KDM1A: variants seen among roughly 807,000 people sequenced by gnomAD.
KDM1A encodes lysine demethylase 1A.
Under a neutral mutation model 109.4 loss-of-function variants are expected in KDM1A, and 49 were observed. That is an observed-to-expected ratio of 0.45 (90% confidence interval 0.36 to 0.57). KDM1A has a LOEUF of 0.57. Among genes scored for constraint, KDM1A ranks in the 20% least tolerant of loss-of-function variants. The pLI, the probability that KDM1A is intolerant of heterozygous loss-of-function variation, is 0.00. For synonymous variants in KDM1A, 380 were observed against 415.4 expected, an observed-to-expected ratio of 0.91 and a Z score of 1.04; for missense variants, 668 against 1,116.6, an observed-to-expected ratio of 0.60 and a Z score of 5.73.
At chr1:23,025,758 A>G (rs1557496157) in intron 1 of KDM1A, among the ~76,000 whole-genome samples, 1 of 152,010 alleles carries the variant, frequency 6.6e-6, no homozygotes, top group Non-Finnish European at 1.5e-5. Context: ...GTAGAGCAGC[A>G]TTGAGGACTT....
chr1:23,049,976 T>C (rs1444474858), intron 3 of KDM1A, among the ~76,000 whole-genome samples: 3 of 152,228 alleles, frequency 2.0e-5, no homozygotes, highest in Non-Finnish European at 2.9e-5. Context: ...TGTTTCATGC[T>C]GTAATCCTAA....
At chr1:23,029,890 T>C (rs957096111) in intron 1 of KDM1A, among the ~76,000 whole-genome samples, 1 of 152,238 alleles carries the variant, frequency 6.6e-6, no homozygotes, top group African/African-American at 2.4e-5. Flanking sequence ...TCCTCCTGCC[T>C]CAGCCCCCCA....
At chr1:23,039,206 T>C (rs982348387) in intron 2 of KDM1A, among the ~76,000 whole-genome samples, 9 of 152,194 alleles carry the variant, frequency 5.9e-5, no homozygotes, top group African/African-American at 2.2e-4. Context: ...CTCCCAAATT[T>C]CCCATTTTGT....
intron 1 of KDM1A, among the ~76,000 whole-genome samples, chr1:23,024,712 G>T (rs138920250): frequency 7.9e-5 from 12 of 152,368 alleles, no homozygotes; most frequent in African/African-American, 2.9e-4. Flanking sequence ...GCTAGGCCAT[G>T]AAATGGCAGA....
chr1:23,081,632 G>A lies in KDM1A; in HGVS notation c.2298+59G>A. 4.4e-6 allele frequency: 7 copies of A among 1,588,530 alleles called. No homozygotes were observed. In the South Asian group the frequency reaches 6.7e-5, roughly 15 times the overall value. On this transcript the variant is annotated intron_variant, in intron 19 of 20. Transcript: ENST00000400181. ...GGTTCAGACTCAACCAGGGTTTAAT[G>A]TATTTGCAGCATGTTCTTGGTCAGG...
intron 3 of KDM1A, among the ~76,000 whole-genome samples, chr1:23,047,362 T>C (rs943442269): frequency 1.3e-5 from 2 of 152,196 alleles, no homozygotes; most frequent in African/African-American, 4.8e-5. Flanking sequence ...AAAAATGATA[T>C]CAGAGTATTG....
intron 16 of KDM1A, 156 bp from the exon 17 acceptor site, chr1:23,078,834 C>T (rs1453725498): frequency 1.4e-6 from 1 of 703,550 alleles, no homozygotes; most frequent in Non-Finnish European, 2.4e-6. Context: ...AGTTATTTCA[C>T]CTCTACCTCA....
At chr1:23,076,897 C>T (rs918103574) in intron 15 of KDM1A, among the ~76,000 whole-genome samples, 1 of 150,610 alleles carries the variant, frequency 6.6e-6, no homozygotes, top group African/African-American at 2.4e-5. Context: ...CCCAGGAGTC[C>T]GAGGTTGCAA....
intron 18 of KDM1A, 193 bp from the exon 19 acceptor site, chr1:23,081,253 A>C (rs185966780): frequency 1.2e-3 from 665 of 575,308 alleles, no homozygotes; most frequent in Non-Finnish European, 1.6e-3. Context: ...GCCAGCTCCT[A>C]CTGGCTGGTG....
intron 2 of KDM1A, among the ~76,000 whole-genome samples, chr1:23,032,965 T>C (rs1642033133): frequency 6.6e-6 from 1 of 152,202 alleles, no homozygotes; most frequent in Non-Finnish European, 1.5e-5. Flanking sequence ...AGTGGCATGA[T>C]CTCGGCTCAC....
At position 23,019,505 on chromosome 1, in the gene KDM1A, G is replaced by A; in HGVS notation, c.-92G>A. ...CGCGACGGCGGTTGGCGGCGCGCGG[G>A]CAGCGTGAAGCGAGGCGAGGCAAGG... On this transcript the variant is annotated 5_prime_UTR_variant, in exon 1 of 21. Coordinates refer to ENST00000400181, the MANE Select transcript of KDM1A (RefSeq NM_001009999.3). 7.7e-7 allele frequency: 1 copy of A among 1,303,986 alleles called. No homozygotes were observed. The highest frequency in any genetic ancestry group is 9.7e-7 in the Non-Finnish European group (1 of 1,026,722). 80.8% of individuals were successfully genotyped at this position (1,303,986 alleles called of 1,614,324 possible).
chr1:23,081,883 C>T (rs1643629568), intron 19 of KDM1A: 1 of 426,654 alleles, frequency 2.3e-6, no homozygotes, highest in Non-Finnish European at 4.2e-6. Context: ...CAGAGAACCT[C>T]TTGGTACTTT....
At chr1:23,075,956 A>T (rs946445987) in intron 15 of KDM1A, among the ~76,000 whole-genome samples, 2 of 152,170 alleles carry the variant, frequency 1.3e-5, no homozygotes, top group Non-Finnish European at 2.9e-5. Context: ...TCAAAAAAAA[A>T]ATTATTTTGA....
chr1:23,027,660 G>C (rs948779356), intron 1 of KDM1A, among the ~76,000 whole-genome samples: 1 of 150,572 alleles, frequency 6.6e-6, no homozygotes, highest in Non-Finnish European at 1.5e-5. Context: ...GGGCTCAAAT[G>C]ATCCTACACT....
At chr1:23,082,096 G>A in intron 19 of KDM1A, 124 bp from the exon 20 acceptor site, 1 of 952,190 alleles carries the variant, frequency 1.1e-6, no homozygotes, top group Non-Finnish European at 1.6e-6. Context: ...TTGATCACTG[G>A]CTCTCACATG....
At chr1:23,044,516 A>T (rs1354273417) in intron 3 of KDM1A, 30 bp downstream of exon 3, 1 of 1,571,456 alleles carries the variant, frequency 6.4e-7, no homozygotes, top group South Asian at 1.2e-5. Flanking sequence ...CTTGCCACTT[A>T]GTAGCAAGAG....
chr1:23,030,767 ATG>A lies in KDM1A; in HGVS notation c.517+139_517+140del, dbSNP rs918179345. 6.6e-6 allele frequency: 6 copies of A among 908,136 alleles called. No individual in the cohort carries two copies. The African/African-American group carries it at 1.0e-4, about 15-fold the overall frequency. The allele number at this position is 908,136 out of a possible 1,614,324, so 56.3% of individuals were successfully genotyped here. On this transcript the variant is annotated intron_variant, in intron 2 of 20. Transcript: ENST00000400181. The stretch of plus-strand genomic sequence containing the variant: ...AAAGTCTGATATTGAGTCTCCTGCC[ATG>A]TGTGTCTTTGTGTGTGTGTATACAT...
intron 3 of KDM1A, among the ~76,000 whole-genome samples, chr1:23,045,787 A>G (rs912835290): frequency 3.9e-5 from 6 of 152,164 alleles, no homozygotes; most frequent in Admixed American, 2.6e-4. Context: ...TGTTAGTAGA[A>G]CATGAATTTT....
At chr1:23,042,389 G>A (rs1259689584) in intron 2 of KDM1A, among the ~76,000 whole-genome samples, 2 of 145,598 alleles carry the variant, frequency 1.4e-5, no homozygotes, top group Non-Finnish European at 3.0e-5. Flanking sequence ...GGTTTTATTT[G>A]GAACCAAACG....
Sources: allele counts gnomAD v4.1 joint callset (sites outside exome capture counted in the v4.1 genomes callset), GRCh38; gene constraint gnomAD v4.1.1; transcripts MANE v1.5; gene names NCBI Gene and HGNC (gene_info 2026-07-23, HGNC 2026-07-21).